Variants in A4GNT observed in about 807,000 individuals in gnomAD.
A4GNT encodes alpha-1,4-N-acetylglucosaminyltransferase.
A neutral mutation model predicts 8.3 loss-of-function variants in A4GNT; 6 were observed. The ratio of observed to expected loss-of-function variants is 0.72; its 90% CI spans 0.39 to 1.42. The LOEUF (loss-of-function observed/expected upper bound fraction) is 1.42, where lower values mean the gene tolerates loss of function less well. Ranked by LOEUF, A4GNT falls within the 40% of genes most tolerant of loss-of-function variation. The pLI, the probability that A4GNT is intolerant of heterozygous loss-of-function variation, is 0.02. For missense variants in A4GNT, 377 were observed against 417.0 expected (o/e 0.90, Z 0.84); for synonymous variants, 157 against 159.8 (o/e 0.98, Z 0.13).
In A4GNT at chr3:138,123,861, A is replaced by C. The variant is rs1435630392; in HGVS notation, c.*403T>G. 5.9e-6 allele frequency: 1 copy of C among 170,668 alleles called. No homozygotes were observed. Among genetic ancestry groups the C allele is most frequent in the Admixed American group, 5.8e-5 (1 of 17,244 alleles). The allele number at this position is 170,668 out of a possible 1,614,324, so 10.6% of individuals were successfully genotyped here. On this transcript the variant is annotated 3_prime_UTR_variant, in exon 3 of 3. Transcript: ENST00000236709. ...AAATAGAACATGTAGCAAAACTGTT[A>C]GCTGCCTATCCCAGTACCCATTTTT...
Position 138,131,062 on chromosome 3 carries a change from A to C in A4GNT, c.195T>G (p.His65Gln), listed in dbSNP as rs368350679. Residue 65 changes from histidine to glutamine, a missense_variant, in exon 2 of 3, where the codon CAT becomes CAG. By Grantham distance (24) the His-to-Gln change is conservative. Coordinates refer to ENST00000236709, the MANE Select transcript of A4GNT (RefSeq NM_016161.3). The part of the protein sequence containing the change: ...LETSERMEPP[H>Q]LVSCSVESAA... ...CAGACTCTACGGAACAGGAGACCAA[A>C]TGGGGTGGCTCCATTCTCTCTGAGG... 6 of 1,613,776 alleles carry C rather than the reference A, an allele frequency of 3.7e-6. No homozygotes were observed. In the African/African-American group the frequency reaches 6.7e-5, roughly 18 times the overall value.
chr3:138,125,420 G>A (rs2042739711), intron 2 of A4GNT, among the ~76,000 whole-genome samples: 1 of 152,114 alleles, frequency 6.6e-6, no homozygotes, highest in Non-Finnish European at 1.5e-5. Context: ...TATTTACTAT[G>A]TGCCGAATTC....
intron 2 of A4GNT, among the ~76,000 whole-genome samples, chr3:138,127,391 T>G (rs1228275743): frequency 6.6e-6 from 1 of 151,600 alleles, no homozygotes. Context: ...CTGGCCAACA[T>G]GGTGAAACCC....
At chr3:138,125,129 GT>G (rs1009003619) in intron 2 of A4GNT, among the ~76,000 whole-genome samples, 1 of 152,018 alleles carries the variant, frequency 6.6e-6, no homozygotes, top group African/African-American at 2.4e-5. Flanking sequence ...TCATGAAATG[GT>G]TTTTTTAAAA....
intron 2 of A4GNT, among the ~76,000 whole-genome samples, chr3:138,128,793 C>T (rs1236531371): frequency 1.3e-5 from 2 of 152,168 alleles, no homozygotes; most frequent in African/African-American, 4.8e-5. Flanking sequence ...TGCCTCCCTA[C>T]CCCTCTGCCC....
Position 138,130,086 on chromosome 3 carries a change from C to CT in A4GNT, c.408+762dup, listed in dbSNP as rs1204678039. ...TGTGTGTTGTAGAGTTCTTTCAGGT[C>CT]TTTTTTTTTTTCAATAGATGTGTGT... On this transcript the variant is annotated intron_variant, in intron 2 of 2. Coordinates refer to ENST00000236709, the MANE Select transcript of A4GNT (RefSeq NM_016161.3). Among the ~76,000 whole-genome samples, 325 of 143,864 alleles carry CT rather than the reference C, an allele frequency of 2.3e-3. 2 individuals are homozygous for CT. The highest frequency in any genetic ancestry group is 0.015 in the Middle Eastern group (4 of 266). 94.4% of individuals were successfully genotyped at this position (143,864 alleles called of 152,430 possible). A position where few individuals can be genotyped will look rare whatever the true frequency, so the allele number is the denominator to read the frequency against.
upstream of A4GNT, among the ~76,000 whole-genome samples, chr3:138,132,913 C>T (rs189548392): frequency 4.6e-5 from 7 of 152,318 alleles, no homozygotes; most frequent in African/African-American, 1.7e-4. Flanking sequence ...CCCCAAGGTC[C>T]CCCTTATGGG....
In A4GNT at chr3:138,124,910, A is replaced by G. The variant is rs752568119; in HGVS notation, c.409-32T>C. 8 of 1,592,416 alleles carry G rather than the reference A, an allele frequency of 5.0e-6. No homozygotes were observed. In the East Asian group the frequency reaches 1.8e-4, roughly 36 times the overall value. The stretch of plus-strand genomic sequence containing the variant: ...GAGCAGGTGCAAATCAGCCCCAAGT[A>G]GCCAGGGGAAGAGGGAGGGGCATCA... On this transcript the variant is annotated intron_variant, in intron 2 of 2. Coordinates refer to ENST00000236709, the MANE Select transcript of A4GNT (RefSeq NM_016161.3).
At position 138,124,622 on chromosome 3, in the gene A4GNT, T is replaced by C. The variant is rs1002758031; in HGVS notation, c.665A>G (p.Asn222Ser). ...VEHYNSAIWG[N>S]QGPELMTRML... ...CCTTGTCATCAACTCAGGGCCTTGG[T>C]TGCCCCAAATGGCTGAATTATAGTG... Residue 222 changes from asparagine to serine, a missense_variant, in exon 3 of 3, where the codon AAC becomes AGC. Transcript: ENST00000236709. 1 of 1,614,248 alleles carries C rather than the reference T, an allele frequency of 6.2e-7. No homozygotes were observed. Among genetic ancestry groups the C allele is most frequent in the Admixed American group, 1.7e-5 (1 of 60,034 alleles).
chr3:138,126,158 TG>T (rs2042743759), intron 2 of A4GNT, among the ~76,000 whole-genome samples: 1 of 150,484 alleles, frequency 6.6e-6, no homozygotes, highest in Non-Finnish European at 1.5e-5. Context: ...GTGCTAACAG[TG>T]GGGGTGAGGG....
At chr3:138,131,348 A>G in intron 1 of A4GNT, 66 bp from the exon 2 acceptor site, 8 of 1,264,742 alleles carry the variant, frequency 6.3e-6, no homozygotes, top group Non-Finnish European at 8.4e-6. Context: ...CACACAAGAA[A>G]ATGATACATG....
In A4GNT at chr3:138,123,991, G is replaced by A. The variant is rs1427476885; in HGVS notation, c.*273C>T. The A allele has an allele frequency of 5.8e-5, 23 of 399,888 alleles. No homozygotes were observed. Among genetic ancestry groups the A allele is most frequent in the Middle Eastern group, 1.4e-3 (2 of 1,470 alleles). The allele number at this position is 399,888 out of a possible 1,614,324, so 24.8% of individuals were successfully genotyped here. A position where few individuals can be genotyped will look rare whatever the true frequency, so the allele number is the denominator to read the frequency against. ...TTGCAGGAAGTCTTCACAAAATAAA[G>A]CAAGTGCACCTTTCCTCTTTTCTTC... On this transcript the variant is annotated 3_prime_UTR_variant, in exon 3 of 3. Coordinates refer to ENST00000236709, the MANE Select transcript of A4GNT (RefSeq NM_016161.3).
At chr3:138,124,912 C>T (rs927955953) in intron 2 of A4GNT, 34 bp from the exon 3 acceptor site, 2 of 1,591,710 alleles carry the variant, frequency 1.3e-6, no homozygotes, top group African/African-American at 1.3e-5. Flanking sequence ...CCCCAAGTAG[C>T]CAGGGGAAGA....
chr3:138,126,104 C>T (rs2042743441), intron 2 of A4GNT, among the ~76,000 whole-genome samples: 1 of 152,062 alleles, frequency 6.6e-6, no homozygotes, highest in South Asian at 2.1e-4. Context: ...CAGAAGCAAA[C>T]GCAAGTTGGG....
chr3:138,125,507 C>A (rs1438074357), intron 2 of A4GNT, among the ~76,000 whole-genome samples: 1 of 152,070 alleles, frequency 6.6e-6, no homozygotes, highest in East Asian at 1.9e-4. Context: ...AATAAATAAA[C>A]CTTCTGTGTT....
intron 1 of A4GNT, among the ~76,000 whole-genome samples, chr3:138,131,973 A>G (rs1386143459): frequency 6.6e-6 from 1 of 152,262 alleles, no homozygotes; most frequent in East Asian, 1.9e-4. Flanking sequence ...AATTGTAACC[A>G]ATGCAATAAA....
In A4GNT at chr3:138,124,215, C is replaced by T; in HGVS notation, c.*49G>A. 6.4e-7 allele frequency: 1 copy of T among 1,567,806 alleles called. No homozygotes were observed. The highest frequency in any genetic ancestry group is 8.7e-7 in the Non-Finnish European group (1 of 1,155,074). On this transcript the variant is annotated 3_prime_UTR_variant, in exon 3 of 3. Transcript: ENST00000236709. Reference sequence around the variant, plus strand: ...GAGATCAAGTGAAAATGTGGCACTCCAGGAAATGTCCATTTCCACACTGCA... The same window carrying T: ...GAGATCAAGTGAAAATGTGGCACTCTAGGAAATGTCCATTTCCACACTGCA...
Position 138,124,107 on chromosome 3 carries a change from G to A in A4GNT, c.*157C>T. Reference sequence around the variant, plus strand: ...ATGTTTTATAGCCAGTATCATTTGGGATTTTTCTATTACAGACAGAGAAAG... The same window carrying A: ...ATGTTTTATAGCCAGTATCATTTGGAATTTTTCTATTACAGACAGAGAAAG... On this transcript the variant is annotated 3_prime_UTR_variant, in exon 3 of 3. Coordinates refer to ENST00000236709, the MANE Select transcript of A4GNT (RefSeq NM_016161.3). The A allele has an allele frequency of 2.0e-6, 2 of 1,019,230 alleles. No individual in the cohort carries two copies. The highest frequency in any genetic ancestry group is 3.5e-5 in the South Asian group (2 of 57,580). 63.1% of individuals were successfully genotyped at this position (1,019,230 alleles called of 1,614,324 possible). A position where few individuals can be genotyped will look rare whatever the true frequency, so the allele number is the denominator to read the frequency against.
intron 2 of A4GNT, among the ~76,000 whole-genome samples, chr3:138,125,585 G>A (rs1370362553): frequency 6.6e-6 from 1 of 152,114 alleles, no homozygotes; most frequent in Non-Finnish European, 1.5e-5. Flanking sequence ...AGGGTGGAGC[G>A]CTGTATTACG....
Sources: gnomAD v4.1 joint callset for allele counts (sites outside exome capture counted in the v4.1 genomes callset) on GRCh38, gnomAD v4.1.1 for gene constraint, MANE v1.5 for transcripts, NCBI Gene and HGNC (gene_info 2026-07-23, HGNC 2026-07-21) for gene names.